PCDHA5: variants seen among roughly 807,000 people sequenced by gnomAD.
PCDHA5 encodes the protein protocadherin alpha-5.
In PCDHA5, 43 loss-of-function variants were observed where a neutral mutation model predicts 61.6. The ratio of observed to expected loss-of-function variants is 0.70; its 90% CI spans 0.55 to 0.90. PCDHA5 has a LOEUF of 0.90. Among genes scored for constraint, PCDHA5 ranks in the 40% least tolerant of loss-of-function variants. The pLI is 0.00. For synonymous variants in PCDHA5, 627 were observed against 543.9 expected (o/e 1.15, Z -2.13); for missense variants, 1,298 against 1,222.7 (o/e 1.06, Z -0.92).
At chr5:140,903,570 C>G (rs781884167) in intron 1 of PCDHA5, among the ~76,000 whole-genome samples, 3 of 152,154 alleles carry the variant, frequency 2.0e-5, no homozygotes, top group Non-Finnish European at 4.4e-5. Context: ...GAATTGGGAG[C>G]TGTCTAGCTG....
chr5:140,879,943 G>C (rs1554171086), intron 1 of PCDHA5, among the ~76,000 whole-genome samples: 1 of 152,078 alleles, frequency 6.6e-6, no homozygotes, highest in Non-Finnish European at 1.5e-5. Flanking sequence ...ATTGTATTTA[G>C]GGCCCATCTG....
intron 1 of PCDHA5, among the ~76,000 whole-genome samples, chr5:140,838,173 GTGCAATCTCAGCTCACT>G (rs1395754886): frequency 2.7e-5 from 4 of 149,160 alleles, no homozygotes; most frequent in African/African-American, 9.9e-5. Context: ...GAGTGCAGTG[GTGCAATCTCAGCTCACT>G]GCAAAATCCG....
intron 1 of PCDHA5, chr5:140,869,254 G>C (rs2050982255): frequency 6.2e-7 from 1 of 1,613,494 alleles, no homozygotes; most frequent in African/African-American, 1.3e-5. Flanking sequence ...CATCGCGCAG[G>C]ACCTGGGGCT....
At chr5:140,865,760 G>A (rs1470653142) in intron 1 of PCDHA5, 1 of 152,154 alleles carries the variant, frequency 6.6e-6, no homozygotes, top group African/African-American at 2.4e-5. Flanking sequence ...AGTACATGGT[G>A]GAGATATTAT....
intron 1 of PCDHA5, chr5:140,828,831 AC>A: frequency 6.2e-7 from 1 of 1,614,230 alleles, no homozygotes; most frequent in African/African-American, 1.3e-5. Context: ...CAGTCTGAAT[AC>A]GAAGTAAGAA....
At chr5:140,834,120 A>C (rs2150213595) in intron 1 of PCDHA5, 5 of 433,160 alleles carry the variant, frequency 1.2e-5, no homozygotes, top group Non-Finnish European at 2.0e-5. Context: ...GTTTGAAATA[A>C]AACTTTTCAT....
At chr5:140,845,376 G>A (rs1779847129) in intron 1 of PCDHA5, among the ~76,000 whole-genome samples, 1 of 149,336 alleles carries the variant, frequency 6.7e-6, no homozygotes, top group Non-Finnish European at 1.5e-5. Context: ...ATCATAAATA[G>A]GAGGATTCTT....
intron 1 of PCDHA5, among the ~76,000 whole-genome samples, chr5:140,916,262 G>A: frequency 6.6e-6 from 1 of 152,202 alleles, no homozygotes; most frequent in East Asian, 1.9e-4. Flanking sequence ...GACCCCAAGA[G>A]CATGCTTGTT....
At chr5:140,921,285 T>G (rs1275527554) in intron 1 of PCDHA5, among the ~76,000 whole-genome samples, 1 of 152,180 alleles carries the variant, frequency 6.6e-6, no homozygotes. Context: ...GAAAAAAACC[T>G]CAAATTTGCT....
chr5:140,889,700 T>C (rs1554184005), intron 1 of PCDHA5, among the ~76,000 whole-genome samples: 1 of 152,200 alleles, frequency 6.6e-6, no homozygotes, highest in African/African-American at 2.4e-5. Context: ...TATGGGCATA[T>C]TCCACAAGTT....
At chr5:140,883,416 G>A (rs782422692) in intron 1 of PCDHA5, 3 of 1,614,158 alleles carry the variant, frequency 1.9e-6, no homozygotes, top group East Asian at 2.2e-5. Context: ...GGCTCAAATG[G>A]ACAGGTCACC....
In PCDHA5 at chr5:140,823,956, C is replaced by G. The variant is rs2150130724; in HGVS notation, c.2181C>G (p.Thr727=). ...YTALRCSAQP[T]EAVCTRGKPT... is the part of the protein sequence containing the mutation. ...CGCTGCGGTGCTCGGCGCAGCCCAC[C>G]GAGGCCGTGTGCACACGGGGCAAGC... The change falls in exon 1 of 4, where the codon ACC becomes ACG. Residue 727 remains threonine, a synonymous_variant. Transcript: ENST00000529859. The G allele has an allele frequency of 3.7e-6, 6 of 1,613,908 alleles. No individual in the cohort carries two copies. In the African/African-American group the frequency reaches 6.7e-5, roughly 18 times the overall value.
Position 140,877,055 on chromosome 5 carries a change from T to C in PCDHA5, c.2352+52928T>C, listed in dbSNP as rs566250084. 7 of 1,612,792 alleles carry C rather than the reference T, an allele frequency of 4.3e-6. No homozygotes were observed. The Admixed American group carries it at 5.0e-5, about 12-fold the overall frequency. On this transcript the variant is annotated intron_variant, in intron 1 of 3. Coordinates refer to ENST00000529859, the MANE Select transcript of PCDHA5 (RefSeq NM_018908.3). ...CTGCAGCCGCTAGACCACGAGGAGC[T>C]GGAGCTGCTGCAGTTCCAGGTGAGC... is the stretch of plus-strand genomic sequence containing the variant.
intron 1 of PCDHA5, chr5:140,843,194 G>T: frequency 6.3e-7 from 1 of 1,596,036 alleles, no homozygotes; most frequent in East Asian, 2.2e-5. Context: ...GTTCCGCGTG[G>T]GGCTGTACAC....
chr5:140,829,433 A>G lies in PCDHA5; in HGVS notation c.2352+5306A>G, dbSNP rs2150167809. ...CAGCTTGTCTGTGGAGGTGGCCGAC[A>G]TGAATGACAATGCTCCGGCGTTCGC... On this transcript the variant is annotated intron_variant, in intron 1 of 3. Transcript: ENST00000529859. The G allele has an allele frequency of 1.2e-4, 193 of 1,613,948 alleles. No homozygotes were observed. Among genetic ancestry groups the G allele is most frequent in the African/African-American group, 7.6e-4 (57 of 75,048 alleles).
At chr5:140,921,750 C>T (rs2080373281) in intron 1 of PCDHA5, among the ~76,000 whole-genome samples, 2 of 152,056 alleles carry the variant, frequency 1.3e-5, no homozygotes, top group African/African-American at 4.8e-5. Context: ...CATAACAGGA[C>T]ACTTCTTGGC....
intron 1 of PCDHA5, chr5:140,858,504 C>A: frequency 4.8e-6 from 7 of 1,454,340 alleles, no homozygotes; most frequent in Non-Finnish European, 6.6e-6. Flanking sequence ...CGCATTTTCT[C>A]AAATATGTAT....
intron 1 of PCDHA5, chr5:140,871,357 C>A: frequency 6.2e-7 from 1 of 1,614,196 alleles, no homozygotes; most frequent in Non-Finnish European, 8.5e-7. Flanking sequence ...ATACTCGCAG[C>A]AGAGGCGGCA....
intron 1 of PCDHA5, chr5:140,869,754 G>A (rs781808579): frequency 1.2e-6 from 2 of 1,613,182 alleles, no homozygotes; most frequent in Admixed American, 1.7e-5. Context: ...CTACAGACGG[G>A]GGAAAACCAG....
Sources: allele counts gnomAD v4.1 joint callset (sites outside exome capture counted in the v4.1 genomes callset), GRCh38; gene constraint gnomAD v4.1.1; transcripts MANE v1.5; gene names NCBI Gene and HGNC (gene_info 2026-07-23, HGNC 2026-07-21).